The following AP1M2 variants were observed in gnomAD, a reference collection of about 807,000 sequenced individuals.
AP1M2 encodes the protein AP-1 complex subunit mu-2.
Under a neutral mutation model 54.6 loss-of-function variants are expected in AP1M2, and 41 were observed. The ratio of observed to expected loss-of-function variants is 0.75; its 90% CI spans 0.59 to 0.97. The LOEUF is 0.97. Ranked by LOEUF, AP1M2 falls within the 50% of genes least tolerant of loss-of-function variation. The pLI, the probability that AP1M2 is intolerant of heterozygous loss-of-function variation, is 0.00. For missense variants in AP1M2, 507 were observed against 561.2 expected (o/e 0.90, Z 0.98); for synonymous variants, 219 against 215.9 (o/e 1.01, Z -0.13).
chr19:10,581,325 G>A lies in AP1M2; in HGVS notation c.614C>T (p.Ser205Leu), dbSNP rs763698281. 7 of 1,613,906 alleles carry A rather than the reference G, an allele frequency of 4.3e-6. No individual in the cohort carries two copies. The Admixed American group carries it at 8.3e-5, about 19-fold the overall frequency. Reference protein sequence around the residue: ...VGTIKLKVFLSGMPELRLGLN... With the variant: ...VGTIKLKVFLLGMPELRLGLN... ...GCCCAGCCGCAGCTCTGGCATTCCT[G>A]ACAGAAACACCTTGAGCTTGATGGT... Residue 205 changes from serine to leucine, a missense_variant, in exon 6 of 12, where the codon TCA (serine) becomes TTA (leucine). Transcript: ENST00000250244.
chr19:10,577,899 G>A (rs905080933), intron 8 of AP1M2, among the ~76,000 whole-genome samples: 9 of 152,030 alleles, frequency 5.9e-5, no homozygotes, highest in African/African-American at 1.9e-4. Context: ...ACCACGCCCT[G>A]CTAATTTTGT....
rs1186458961 is a variant in AP1M2, at chr19:10,581,732, C to T, written c.398+16G>A. The T allele has an allele frequency of 2.5e-6, 4 of 1,612,960 alleles. No homozygotes were observed. The highest frequency in any genetic ancestry group is 3.4e-6 in the Non-Finnish European group (4 of 1,179,588). On this transcript the variant is annotated intron_variant, in intron 4 of 11. Transcript: ENST00000250244. ...CCCACAGTCCAGCCCATGGCTGCCT[C>T]CAGGGGTCCACTCACTCCTGCAGGA... is the stretch of plus-strand genomic sequence containing the variant.
intron 10 of AP1M2, 93 bp from the exon 11 acceptor site, chr19:10,574,585 G>T: frequency 9.0e-7 from 1 of 1,111,656 alleles, no homozygotes. Flanking sequence ...GCGGCTATGT[G>T]GCACAGGCTG....
chr19:10,582,472 C>G (rs917523232), intron 3 of AP1M2, among the ~76,000 whole-genome samples: 1 of 150,510 alleles, frequency 6.6e-6, no homozygotes, highest in African/African-American at 2.4e-5. Flanking sequence ...GAAAAAAGGC[C>G]GGGCATGGTG....
intron 10 of AP1M2, among the ~76,000 whole-genome samples, 154 bp downstream of exon 10, chr19:10,574,750 G>T (rs1456457728): frequency 1.3e-5 from 2 of 152,184 alleles, no homozygotes; most frequent in African/African-American, 2.4e-5. Flanking sequence ...CAGGCTGTGG[G>T]CAGATAAAGG....
At position 10,581,839 on chromosome 19, in the gene AP1M2, T is replaced by C; in HGVS notation, c.307A>G (p.Ile103Val). 6.2e-7 allele frequency: 1 copy of C among 1,613,794 alleles called. No homozygotes were observed. The change falls in exon 4 of 12, where the codon ATC becomes GTC. Residue 103 changes from isoleucine (I) to valine (V), a missense_variant. Coordinates refer to ENST00000250244, the MANE Select transcript of AP1M2 (RefSeq NM_005498.5). Reference protein sequence around the residue: ...EYFKELEEESIRDNFVIVYEL... With the variant: ...EYFKELEEESVRDNFVIVYEL... ...TAGACGATGACAAAGTTGTCCCGGA[T>C]GCTCTCCTCCTCCAGCTCCTTGAAG...
rs1214873920 is a variant in AP1M2, at chr19:10,574,086, G to A, written c.1249+331C>T. On this transcript the variant is annotated intron_variant, in intron 11 of 11. Transcript: ENST00000250244. ...CGACCAGGCAGGAGTGCAGTGGCACGATCTCAGCTCACTGCAACCTCCACC... is the reference window on the plus strand; with the variant it reads ...CGACCAGGCAGGAGTGCAGTGGCACAATCTCAGCTCACTGCAACCTCCACC... Among the ~76,000 whole-genome samples, 5 of 152,176 alleles carry A rather than the reference G, an allele frequency of 3.3e-5. 1 individual carries two copies. The highest frequency in any genetic ancestry group is 2.9e-5 in the Non-Finnish European group (2 of 68,018).
At chr19:10,585,288 A>AAAG (rs1917606602) in intron 1 of AP1M2, among the ~76,000 whole-genome samples, 1 of 78,688 alleles carries the variant, frequency 1.3e-5, no homozygotes, top group African/African-American at 6.2e-5. Flanking sequence ...AGAAAAAAAG[A>AAAG]AAGAAAGAAA....
chr19:10,586,701 T>C (rs931208957), intron 1 of AP1M2, among the ~76,000 whole-genome samples: 1 of 151,950 alleles, frequency 6.6e-6, no homozygotes, highest in Non-Finnish European at 1.5e-5. Flanking sequence ...ACCACTGCAC[T>C]CAAGCCTGGG....
At chr19:10,574,788 G>T in intron 10 of AP1M2, 116 bp downstream of exon 10, 1 of 1,337,336 alleles carries the variant, frequency 7.5e-7, no homozygotes. Context: ...AGACCAGGCA[G>T]CCTTCAGAGG....
chr19:10,585,327 G>GAA (rs1350167390), intron 1 of AP1M2, among the ~76,000 whole-genome samples: 12 of 140,030 alleles, frequency 8.6e-5, no homozygotes, highest in Admixed American at 2.1e-4. Context: ...AAGAAAGAAA[G>GAA]AAAGAAAGAA....
In AP1M2 at chr19:10,574,723, C is replaced by A. The variant is rs150403488; in HGVS notation, c.1173+181G>T. On this transcript the variant is annotated intron_variant, in intron 10 of 11. Transcript: ENST00000250244. ...CCGGTGGGGAACAAGGTGGCACAGG[C>A]CGGGGGAGAGGGAGCACAGGCTGTG... 1.7e-3 allele frequency among the ~76,000 whole-genome samples: 256 copies of A among 152,198 alleles called. 1 individual carries two copies. The highest frequency in any genetic ancestry group is 5.8e-3 in the African/African-American group (242 of 41,514).
chr19:10,583,996 C>T lies in AP1M2; in HGVS notation c.117G>A (p.Gln39=). 4 of 1,608,450 alleles carry T rather than the reference C, an allele frequency of 2.5e-6. No individual in the cohort carries two copies. Among genetic ancestry groups the T allele is most frequent in the Non-Finnish European group, 3.4e-6 (4 of 1,177,588 alleles). The part of the protein sequence containing the change: ...KIEHFMPLLV[Q]REEEGALAPL... ...GGGCCAGGGCGCCTTCCTCCTCCCG[C>T]TGTACCAGCAAAGGCATGAAGTGCT... The change falls in exon 2 of 12, where the codon CAG becomes CAA. Residue 39 remains glutamine, a synonymous_variant. Transcript: ENST00000250244.
chr19:10,580,942 G>A (rs12979033), intron 6 of AP1M2, among the ~76,000 whole-genome samples: 38,478 of 151,926 alleles, frequency 0.25, 5,888 homozygotes, highest in East Asian at 0.66. Context: ...GTGACAGAGC[G>A]AGACCCCATC....
At chr19:10,586,951 T>C (rs1179898914) in intron 1 of AP1M2, among the ~76,000 whole-genome samples, 2 of 152,124 alleles carry the variant, frequency 1.3e-5, no homozygotes, top group Admixed American at 1.3e-4. Context: ...GTATTAATTC[T>C]CATTGGGTGG....
At chr19:10,586,636 A>C (rs1383962454) in intron 1 of AP1M2, among the ~76,000 whole-genome samples, 1 of 152,014 alleles carries the variant, frequency 6.6e-6, no homozygotes, top group Non-Finnish European at 1.5e-5. Flanking sequence ...CCGGAGACTG[A>C]GGCAGGAGGA....
chr19:10,575,371 A>G (rs77259226), intron 9 of AP1M2, among the ~76,000 whole-genome samples: 4 of 151,938 alleles, frequency 2.6e-5, no homozygotes, highest in Non-Finnish European at 2.9e-5. Flanking sequence ...GCAAAACCCA[A>G]TCAGGGTTTT....
intron 8 of AP1M2, 26 bp from the exon 9 acceptor site, chr19:10,577,382 C>CGAAGAAT (rs1240803388): frequency 3.2e-5 from 48 of 1,476,940 alleles, no homozygotes; most frequent in Non-Finnish European, 4.3e-5. Context: ...GCATGGGGCA[C>CGAAGAAT]GAAGAATTCG....
intron 1 of AP1M2, 79 bp downstream of exon 1, chr19:10,587,111 C>A: frequency 6.7e-7 from 1 of 1,493,784 alleles, no homozygotes; most frequent in South Asian, 1.2e-5. Flanking sequence ...CTTCCTGGCC[C>A]GCGCGGAGGG....
Sources: allele counts gnomAD v4.1 joint callset (sites outside exome capture counted in the v4.1 genomes callset), GRCh38; gene constraint gnomAD v4.1.1; transcripts MANE v1.5; gene names NCBI Gene and HGNC (gene_info 2026-07-23, HGNC 2026-07-21).